The following GOLM1 variants were observed in gnomAD, a reference collection of about 807,000 sequenced individuals.
GOLM1 encodes epididymis luminal protein 46.
GOLM1 carries 31 observed loss-of-function variants against 50.5 expected under a neutral mutation model. That is an observed-to-expected ratio of 0.61 (90% CI 0.46 to 0.83). The LOEUF is 0.83. Ranked by LOEUF, GOLM1 falls within the 40% of genes least tolerant of loss-of-function variation. The pLI is 0.00. For missense variants in GOLM1, 491 were observed against 501.3 expected (o/e 0.98, Z 0.20); for synonymous variants, 178 against 192.8 (o/e 0.92, Z 0.64).
At chr9:86,050,917 GTT>G (rs1833726366) in intron 4 of GOLM1, among the ~76,000 whole-genome samples, 1 of 152,126 alleles carries the variant, frequency 6.6e-6, no homozygotes, top group South Asian at 2.1e-4. Context: ...TTTTGAATGT[GTT>G]TGCTCTTGCT....
chr9:86,088,433 T>C (rs1166732509), intron 1 of GOLM1, among the ~76,000 whole-genome samples: 2 of 115,668 alleles, frequency 1.7e-5, no homozygotes, highest in East Asian at 5.5e-4. Context: ...TATATATATA[T>C]ATATATATAT....
intron 9 of GOLM1, among the ~76,000 whole-genome samples, chr9:86,029,082 C>G (rs567767569): frequency 6.6e-6 from 1 of 152,070 alleles, no homozygotes; most frequent in Non-Finnish European, 1.5e-5. Flanking sequence ...TGATCTCGAT[C>G]TCCTGACCTC....
At chr9:86,059,661 G>A (rs1289878030) in intron 3 of GOLM1, among the ~76,000 whole-genome samples, 5 of 152,032 alleles carry the variant, frequency 3.3e-5, no homozygotes, top group Non-Finnish European at 7.4e-5. Context: ...TTGGGAGGCC[G>A]AGGTGGGTGG....
intron 3 of GOLM1, among the ~76,000 whole-genome samples, chr9:86,065,034 G>C (rs1181595670): frequency 1.3e-5 from 2 of 152,208 alleles, no homozygotes; most frequent in Non-Finnish European, 2.9e-5. Flanking sequence ...CCCTGACTCT[G>C]GGCCTGCACT....
At chr9:86,059,899 CAAAA>C (rs139699884) in intron 3 of GOLM1, among the ~76,000 whole-genome samples, 4 of 52,444 alleles carry the variant, frequency 7.6e-5, no homozygotes, top group African/African-American at 1.4e-4. Flanking sequence ...GAGTCTATCT[CAAAA>C]AAAAAAAAAA....
At chr9:86,096,055 A>G (rs1039800658) in intron 1 of GOLM1, among the ~76,000 whole-genome samples, 4 of 152,200 alleles carry the variant, frequency 2.6e-5, no homozygotes, top group African/African-American at 9.6e-5. Flanking sequence ...AAGTAGGCTT[A>G]CTACTGACCC....
intron 3 of GOLM1, among the ~76,000 whole-genome samples, chr9:86,058,228 A>T (rs1157883727): frequency 1.3e-5 from 2 of 152,222 alleles, no homozygotes; most frequent in Non-Finnish European, 2.9e-5. Flanking sequence ...GAAATTAAAA[A>T]TTTTCTAATA....
chr9:86,027,695 A>ATAATCATCTTCAGATGT lies in GOLM1; in HGVS notation c.*105_*121dup. Reference sequence around the variant, plus strand: ...ACAAAGTGCATACTAAAATTTCACAATAATCATCTTCAGATGTACATTTTA... The same window carrying ATAATCATCTTCAGATGT: ...ACAAAGTGCATACTAAAATTTCACAATAATCATCTTCAGATGTTAATCATCTTCAGATGTACATTTTA... On this transcript the variant is annotated 3_prime_UTR_variant, in exon 10 of 10. Coordinates refer to ENST00000388712, the MANE Select transcript of GOLM1 (RefSeq NM_016548.4). 7.0e-7 allele frequency: 1 copy of ATAATCATCTTCAGATGT among 1,431,966 alleles called. No homozygotes were observed. The highest frequency in any genetic ancestry group is 9.2e-7 in the Non-Finnish European group (1 of 1,092,598). The allele number at this position is 1,431,966 out of a possible 1,614,324, so 88.7% of individuals were successfully genotyped here. A position where few individuals can be genotyped will look rare whatever the true frequency, so the allele number is the denominator to read the frequency against.
intron 1 of GOLM1, among the ~76,000 whole-genome samples, chr9:86,092,057 C>T (rs559008835): frequency 2.6e-5 from 4 of 152,136 alleles, no homozygotes; most frequent in Non-Finnish European, 4.4e-5. Context: ...CTCCACCACT[C>T]AGGAACTCCA....
chr9:86,033,148 A>AG lies in GOLM1; in HGVS notation c.1129+133_1129+134insC, dbSNP rs1833033946. On this transcript the variant is annotated intron_variant, in intron 9 of 9. Coordinates refer to ENST00000388712, the MANE Select transcript of GOLM1 (RefSeq NM_016548.4). ...CACTGCCCCTGGTTTAAAAGCTCCT[A>AG]AAGAACAGACGATCTCCTTGAAATG... The AG allele has an allele frequency of 9.6e-6, 6 of 627,338 alleles. No homozygotes were observed. In the South Asian group the frequency reaches 1.2e-4, roughly 12 times the overall value. The allele number at this position is 627,338 out of a possible 1,614,324, so 38.9% of individuals were successfully genotyped here. A position where few individuals can be genotyped will look rare whatever the true frequency, so the allele number is the denominator to read the frequency against.
chr9:86,098,531 G>A (rs1309201556), intron 1 of GOLM1, among the ~76,000 whole-genome samples: 1 of 152,140 alleles, frequency 6.6e-6, no homozygotes, highest in Non-Finnish European at 1.5e-5. Flanking sequence ...ATCAGACAAA[G>A]AAAACCTCAA....
intron 1 of GOLM1, among the ~76,000 whole-genome samples, chr9:86,091,917 C>T (rs996062832): frequency 6.6e-6 from 1 of 152,224 alleles, no homozygotes; most frequent in African/African-American, 2.4e-5. Context: ...GAGTCAGGTG[C>T]TGTATTCACA....
chr9:86,027,573 T>C lies in GOLM1; in HGVS notation c.*244A>G. On this transcript the variant is annotated 3_prime_UTR_variant, in exon 10 of 10. Coordinates refer to ENST00000388712, the MANE Select transcript of GOLM1 (RefSeq NM_016548.4). ...TGTTCCAGTTTTGGTGTTGAACTTC[T>C]CACGAAATACCTACTACCAAAAATT... The C allele has an allele frequency of 7.8e-7, 1 of 1,281,204 alleles. No individual in the cohort carries two copies. The highest frequency in any genetic ancestry group is 9.9e-7 in the Non-Finnish European group (1 of 1,015,022). 79.4% of individuals were successfully genotyped at this position (1,281,204 alleles called of 1,614,324 possible).
At chr9:86,097,445 A>C (rs1835384637) in intron 1 of GOLM1, among the ~76,000 whole-genome samples, 1 of 152,202 alleles carries the variant, frequency 6.6e-6, no homozygotes, top group Non-Finnish European at 1.5e-5. Context: ...CTTTTTTCAT[A>C]GGGCAACTTA....
At chr9:86,080,821 A>G (rs1309128496) in intron 1 of GOLM1, among the ~76,000 whole-genome samples, 1 of 152,164 alleles carries the variant, frequency 6.6e-6, no homozygotes, top group Non-Finnish European at 1.5e-5. Context: ...GATATCAGCA[A>G]GCACTGAATA....
chr9:86,040,088 C>T lies in GOLM1; in HGVS notation c.597+651G>A, dbSNP rs181749488. On this transcript the variant is annotated intron_variant, in intron 6 of 9. Transcript: ENST00000388712. The stretch of plus-strand genomic sequence containing the variant: ...TACATTAGCAGTTGGCTGTCTAGGG[C>T]TGTGGGGACTGAAGAGAGAACTAAG... Among the ~76,000 whole-genome samples the T allele has an allele frequency of 1.3e-4, 20 of 151,934 alleles. No homozygotes were observed. The East Asian group carries it at 2.7e-3, about 21-fold the overall frequency.
chr9:86,032,201 CTT>C (rs1833008217), intron 9 of GOLM1, among the ~76,000 whole-genome samples: 2 of 152,106 alleles, frequency 1.3e-5, no homozygotes, highest in South Asian at 2.1e-4. Flanking sequence ...GATTTTCACT[CTT>C]GTTGCCCAGG....
At chr9:86,099,671 C>T (rs1156580363), upstream of GOLM1, 1 of 150,884 alleles carries the variant, frequency 6.6e-6, no homozygotes, top group Admixed American at 6.6e-5. Flanking sequence ...CGCGCGGACT[C>T]CCGGCCCCAC....
At chr9:86,057,223 G>C (rs1038216770) in intron 3 of GOLM1, among the ~76,000 whole-genome samples, 1 of 152,032 alleles carries the variant, frequency 6.6e-6, no homozygotes, top group Admixed American at 6.6e-5. Flanking sequence ...AGTATATTTG[G>C]ATCAAACTTT....
Sources: allele counts gnomAD v4.1 joint callset (sites outside exome capture counted in the v4.1 genomes callset), GRCh38; gene constraint gnomAD v4.1.1; transcripts MANE v1.5; gene names NCBI Gene and HGNC (gene_info 2026-07-23, HGNC 2026-07-21).